MGA: variants seen among roughly 807,000 people sequenced by gnomAD.
The protein encoded by MGA is MAX dimerization protein MGA, also known as MAX gene-associated protein.
Under a neutral mutation model 261.1 loss-of-function variants are expected in MGA, and 40 were observed. The ratio of observed to expected loss-of-function variants is 0.15; its 90% CI spans 0.12 to 0.20. The LOEUF is 0.20. MGA is among the 10% of genes least tolerant of loss of function. The pLI is 1.00. For synonymous variants in MGA, 1,302 were observed against 1,290.6 expected (o/e 1.01, Z -0.19); for missense variants, 3,397 against 3,630.5 (o/e 0.94, Z 1.65).
intron 9 of MGA, among the ~76,000 whole-genome samples, chr15:41,720,977 T>G (rs2060909849): frequency 6.6e-6 from 1 of 152,196 alleles, no homozygotes; most frequent in Non-Finnish European, 1.5e-5. Flanking sequence ...AATAGAAACT[T>G]TATTCGTTTC....
intron 23 of MGA, 92 bp downstream of exon 23, chr15:41,765,154 T>C (rs1348336383): frequency 3.6e-6 from 5 of 1,391,498 alleles, no homozygotes; most frequent in African/African-American, 1.4e-5. Flanking sequence ...TGTTCTGTAA[T>C]GATAAAGAGC....
intron 1 of MGA, among the ~76,000 whole-genome samples, chr15:41,650,582 C>T (rs1025099324): frequency 1.3e-5 from 2 of 152,078 alleles, no homozygotes; most frequent in South Asian, 2.1e-4. Flanking sequence ...GAATTACAGG[C>T]GTGCACCACC....
At chr15:41,625,817 G>A (rs996070694) in intron 1 of MGA, among the ~76,000 whole-genome samples, 1 of 152,172 alleles carries the variant, frequency 6.6e-6, no homozygotes, top group African/African-American at 2.4e-5. Context: ...GACTTGGAAA[G>A]CATGTGATAA....
chr15:41,759,478 T>C (rs1361458957), intron 19 of MGA, among the ~76,000 whole-genome samples: 1 of 148,516 alleles, frequency 6.7e-6, no homozygotes, highest in African/African-American at 2.5e-5. Context: ...TTTTTTTTTT[T>C]TTTTTGTAAA....
rs1384151590 is a variant in MGA, at chr15:41,761,829, C to T, written c.7489C>T (p.Arg2497Trp). 1.9e-6 allele frequency: 3 copies of T among 1,580,806 alleles called. No homozygotes were observed. Among genetic ancestry groups the T allele is most frequent in the African/African-American group, 1.3e-5 (1 of 74,282 alleles). Residue 2497 changes from arginine to tryptophan, a missense_variant, in exon 21 of 24, where the codon CGG becomes TGG. Physicochemically the swap from Arg to Trp is moderately radical, Grantham distance 101. Transcript: ENST00000219905. ...GACTCGAAAACGGAATATTCTGATA[C>T]GGAAAGTATCGTCTCTTTCAGGTGA...
rs368391198 is a variant in MGA at position 41,749,553 on chromosome 15, C to T, written c.5946C>T (p.Asn1982=). 17 of 1,613,786 alleles carry T rather than the reference C, an allele frequency of 1.1e-5. No individual in the cohort carries two copies. The highest frequency in any genetic ancestry group is 2.5e-6 in the Non-Finnish European group (3 of 1,179,888). ...ATCCAGACCAGAAAGATGAAACAAA[C>T]TCAATAAAAAGAGAGCAAGAAACGA... The change falls in exon 17 of 24, where the codon AAC becomes AAT. Residue 1982 remains asparagine (N), a synonymous_variant. Transcript: ENST00000219905.
chr15:41,748,851 C>A lies in MGA; in HGVS notation c.5427C>A (p.Val1809=). Reference sequence around the variant, plus strand: ...TCAGGCACCCTAATGGGCAGATTGTCCAGCTTCTACCTTTGCATCAGCTTC... The same window carrying A: ...TCAGGCACCCTAATGGGCAGATTGTACAGCTTCTACCTTTGCATCAGCTTC... The change falls in exon 16 of 24, where the codon GTC becomes GTA. Residue 1809 remains valine, a synonymous_variant. Transcript: ENST00000219905. The A allele has an allele frequency of 6.2e-7, 1 of 1,613,970 alleles. No homozygotes were observed. The highest frequency in any genetic ancestry group is 8.5e-7 in the Non-Finnish European group (1 of 1,179,876).
intron 9 of MGA, among the ~76,000 whole-genome samples, chr15:41,718,844 CT>C (rs1460204334): frequency 1.3e-5 from 2 of 152,100 alleles, no homozygotes; most frequent in Non-Finnish European, 2.9e-5. Context: ...CTCCCAAAGA[CT>C]GGGAATGAGG....
chr15:41,677,950 CTTTA>C (rs1187215683), intron 2 of MGA, among the ~76,000 whole-genome samples: 17 of 151,978 alleles, frequency 1.1e-4, no homozygotes, highest in Non-Finnish European at 2.1e-4. Flanking sequence ...TTTTCCTATT[CTTTA>C]TTCTCTTACC....
rs550631876 is a variant in MGA at position 41,631,579 on chromosome 15, T to C, written c.-68+10281T>C. Among the ~76,000 whole-genome samples, 59 of 152,204 alleles carry C rather than the reference T, an allele frequency of 3.9e-4. No homozygotes were observed. In the South Asian group the frequency reaches 0.011, roughly 29 times the overall value. On this transcript the variant is annotated intron_variant, in intron 1 of 8. Coordinates refer to the MGA transcript ENST00000566718. The stretch of plus-strand genomic sequence containing the variant: ...TAGAATGTCATTTATCCTTTACAAG[T>C]GTGACAGAGGCACACTTTCTTTTTT...
intron 18 of MGA, among the ~76,000 whole-genome samples, chr15:41,755,591 C>A (rs1365200146): frequency 6.6e-6 from 1 of 151,926 alleles, no homozygotes; most frequent in Non-Finnish European, 1.5e-5. Context: ...ACTTTTCTTA[C>A]AAAATTGTAT....
At position 41,740,160 on chromosome 15, in the gene MGA, T is replaced by G. The variant is rs372232929; in HGVS notation, c.4542T>G (p.Pro1514=). The G allele has an allele frequency of 7.4e-6, 12 of 1,613,966 alleles. No homozygotes were observed. The highest frequency in any genetic ancestry group is 1.0e-5 in the Non-Finnish European group (12 of 1,179,858). Residue 1514 remains proline, a synonymous_variant, in exon 14 of 24, where the codon CCT becomes CCG. Transcript: ENST00000219905. ...CCTCTGGCACTGCAACAAATCGCCC[T>G]GGGAAGAATCTGAAGGCGTTTGTCC...
At chr15:41,725,686 T>G (rs2061188990) in intron 9 of MGA, among the ~76,000 whole-genome samples, 1 of 40,242 alleles carries the variant, frequency 2.5e-5, no homozygotes, top group Non-Finnish European at 5.8e-5. Context: ...ATACAAAAAA[T>G]TAGCCGGGCG....
At chr15:41,672,347 G>A (rs952026681) in intron 2 of MGA, among the ~76,000 whole-genome samples, 2 of 152,138 alleles carry the variant, frequency 1.3e-5, no homozygotes, top group Non-Finnish European at 2.9e-5. Context: ...TAGAGAAGAG[G>A]TTTTGCCATG....
chr15:41,713,147 T>C lies in MGA; in HGVS notation c.3085-4T>C. 6.2e-7 allele frequency: 1 copy of C among 1,607,510 alleles called. No individual in the cohort carries two copies. The highest frequency in any genetic ancestry group is 8.5e-7 in the Non-Finnish European group (1 of 1,177,702). On this transcript the variant is annotated splice_polypyrimidine_tract_variant and splice_region_variant and intron_variant, in intron 8 of 23. Coordinates refer to ENST00000219905, the MANE Select transcript of MGA (RefSeq NM_001164273.2). ...GGAATTACAATTTTCTCCTTTGACT[T>C]TAGGCATCCCTCAAAACTAAACCTA...
chr15:41,705,747 G>A (rs1382876951), intron 5 of MGA, among the ~76,000 whole-genome samples: 2 of 152,188 alleles, frequency 1.3e-5, no homozygotes, highest in African/African-American at 2.4e-5. Context: ...GAATGTGGTG[G>A]ATTGGTGTTC....
At chr15:41,705,631 G>A (rs1363601493) in intron 5 of MGA, among the ~76,000 whole-genome samples, 1 of 152,116 alleles carries the variant, frequency 6.6e-6, no homozygotes. Flanking sequence ...CAAAGTGCAG[G>A]GATTACAGGT....
intron 1 of MGA, among the ~76,000 whole-genome samples, chr15:41,631,866 G>A (rs886087249): frequency 6.6e-6 from 1 of 152,048 alleles, no homozygotes; most frequent in East Asian, 1.9e-4. Flanking sequence ...CACTGTTAGC[G>A]TGTTGATATG....
At chr15:41,716,670 G>T (rs1009853503) in intron 9 of MGA, among the ~76,000 whole-genome samples, 3 of 152,054 alleles carry the variant, frequency 2.0e-5, no homozygotes, top group African/African-American at 7.2e-5. Flanking sequence ...TTATGAAATT[G>T]AGGTATAAGC....
Sources: allele counts gnomAD v4.1 joint callset (sites outside exome capture counted in the v4.1 genomes callset), GRCh38; gene constraint gnomAD v4.1.1; transcripts MANE v1.5; gene names NCBI Gene and HGNC (gene_info 2026-07-23, HGNC 2026-07-21).